Variants in KIAA1671 observed in about 807,000 individuals in gnomAD.
The protein encoded by KIAA1671 is uncharacterized protein KIAA1671.
KIAA1671 carries 52 observed loss-of-function variants against 131.2 expected under a neutral mutation model. That is an observed-to-expected ratio of 0.40 (90% CI 0.32 to 0.50). The LOEUF is 0.50. Ranked by LOEUF, KIAA1671 falls within the 20% of genes least tolerant of loss-of-function variation. KIAA1671 has a pLI of 0.73. For missense variants in KIAA1671, 2,360 were observed against 2,364.2 expected (o/e 1.00, Z 0.04); for synonymous variants, 1,003 against 961.6 (o/e 1.04, Z -0.80).
At chr22:25,140,691 C>A (rs1475655722) in intron 6 of KIAA1671, among the ~76,000 whole-genome samples, 1 of 152,120 alleles carries the variant, frequency 6.6e-6, no homozygotes, top group Non-Finnish European at 1.5e-5. Context: ...AGGGTCGATG[C>A]CAGAGAAGTG....
intron 1 of KIAA1671, chr22:25,024,650 G>C (rs1417505420): frequency 2.0e-5 from 3 of 152,190 alleles, no homozygotes; most frequent in African/African-American, 7.2e-5. Context: ...TAGCATCTTA[G>C]AGAGTGGGCA....
intron 4 of KIAA1671, 55 bp downstream of exon 4, chr22:25,032,751 C>T: frequency 1.8e-6 from 2 of 1,129,904 alleles, no homozygotes; most frequent in East Asian, 5.2e-5. Context: ...GTTATGGCTG[C>T]TGGAGAAAGA....
intron 6 of KIAA1671, among the ~76,000 whole-genome samples, chr22:25,091,836 C>T (rs943498283): frequency 1.3e-5 from 2 of 152,180 alleles, no homozygotes; most frequent in Non-Finnish European, 2.9e-5. Context: ...ATTTATTGAG[C>T]ATCTCCTAGG....
Position 25,122,802 on chromosome 22 carries a change from G to A in KIAA1671, c.4531-48018G>A, listed in dbSNP as rs111351210. 1.3e-3 allele frequency among the ~76,000 whole-genome samples: 191 copies of A among 152,206 alleles called. 1 individual carries two copies. The highest frequency in any genetic ancestry group is 4.5e-3 in the African/African-American group (185 of 41,536). On this transcript the variant is annotated intron_variant, in intron 6 of 12. Coordinates refer to ENST00000358431, the MANE Select transcript of KIAA1671 (RefSeq NM_001145206.2). ...ATCCTGGCTAACATGGTGAAACCCC[G>A]TCTCTACTAAAAACACAAAAACATT... is the stretch of plus-strand genomic sequence containing the variant.
At chr22:25,001,309 AATTCCAGTCTATG>A (rs1351162674) in intron 1 of KIAA1671, among the ~76,000 whole-genome samples, 5 of 152,006 alleles carry the variant, frequency 3.3e-5, no homozygotes, top group Non-Finnish European at 1.5e-5. Context: ...ACATATTTTT[AATTCCAGTCTATG>A]ATTTGCTTAT....
At chr22:25,000,255 G>T (rs1210168761) in intron 1 of KIAA1671, among the ~76,000 whole-genome samples, 1 of 70,796 alleles carries the variant, frequency 1.4e-5, no homozygotes. Flanking sequence ...GTGCAGTGGC[G>T]GGATCTCGGC....
intron 6 of KIAA1671, among the ~76,000 whole-genome samples, chr22:25,156,402 T>C (rs1195696448): frequency 2.6e-5 from 4 of 152,100 alleles, no homozygotes; most frequent in African/African-American, 9.7e-5. Flanking sequence ...TGTGTTTATA[T>C]TTTCATGTGT....
intron 6 of KIAA1671, among the ~76,000 whole-genome samples, chr22:25,163,874 C>G (rs1933549242): frequency 6.6e-6 from 1 of 152,166 alleles, no homozygotes; most frequent in African/African-American, 2.4e-5. Flanking sequence ...TAGATCTTGG[C>G]AGGTATCTCT....
chr22:25,092,260 G>T (rs1316423452), intron 6 of KIAA1671, among the ~76,000 whole-genome samples: 1 of 152,218 alleles, frequency 6.6e-6, no homozygotes, highest in East Asian at 1.9e-4. Context: ...TAAAATTTGG[G>T]TGGAGCCCTG....
chr22:25,026,590 C>T (rs975495392), intron 2 of KIAA1671, among the ~76,000 whole-genome samples: 6 of 151,988 alleles, frequency 3.9e-5, no homozygotes, highest in Non-Finnish European at 7.4e-5. Flanking sequence ...ATTACCTGGG[C>T]GTGGTGGCAC....
chr22:25,040,310 A>G lies in KIAA1671; in HGVS notation c.3180A>G (p.Pro1060=). ...SLLEHSRKIT[P]PSSPHSLTST... ...TGGAACATTCTAGAAAAATCACTCCACCCTCGTCTCCTCATTCTTTAACAT... is the reference window on the plus strand; with the variant it reads ...TGGAACATTCTAGAAAAATCACTCCGCCCTCGTCTCCTCATTCTTTAACAT... The change falls in exon 5 of 13, where the codon CCA becomes CCG. Residue 1060 remains proline, a synonymous_variant. Coordinates refer to ENST00000358431, the MANE Select transcript of KIAA1671 (RefSeq NM_001145206.2). 7 of 1,551,390 alleles carry G rather than the reference A, an allele frequency of 4.5e-6. No individual in the cohort carries two copies. The highest frequency in any genetic ancestry group is 6.1e-6 in the Non-Finnish European group (7 of 1,146,934).
intron 10 of KIAA1671, 130 bp downstream of exon 10, chr22:25,181,953 G>A (rs961739946): frequency 2.0e-5 from 19 of 931,760 alleles, no homozygotes; most frequent in African/African-American, 1.8e-4. Flanking sequence ...CGAGTTGGGC[G>A]GATCACGAGA....
At chr22:24,974,203 A>G (rs1288839879) in intron 1 of KIAA1671, among the ~76,000 whole-genome samples, 3 of 152,160 alleles carry the variant, frequency 2.0e-5, no homozygotes, top group East Asian at 1.9e-4. Flanking sequence ...CTTCTGGGTA[A>G]GCTGAGGACT....
intron 6 of KIAA1671, among the ~76,000 whole-genome samples, chr22:25,146,306 G>T (rs1200532196): frequency 2.0e-5 from 3 of 152,122 alleles, no homozygotes; most frequent in African/African-American, 7.2e-5. Context: ...TTTAACACCT[G>T]GACTTCCATA....
intron 10 of KIAA1671, among the ~76,000 whole-genome samples, chr22:25,183,068 G>C (rs1019954970): frequency 2.7e-5 from 4 of 149,122 alleles, no homozygotes; most frequent in Non-Finnish European, 5.9e-5. Flanking sequence ...AGGCCCTTTT[G>C]CCCCCCTGTT....
At chr22:25,141,533 A>G (rs1932807597) in intron 6 of KIAA1671, among the ~76,000 whole-genome samples, 1 of 151,942 alleles carries the variant, frequency 6.6e-6, no homozygotes, top group South Asian at 2.1e-4. Context: ...CACCCTGCCC[A>G]TTTTTTTCTT....
chr22:25,001,314 C>T (rs1240993480), intron 1 of KIAA1671, among the ~76,000 whole-genome samples: 4 of 151,786 alleles, frequency 2.6e-5, no homozygotes, highest in Non-Finnish European at 4.4e-5. Context: ...TTTTTAATTC[C>T]AGTCTATGAT....
intron 1 of KIAA1671, among the ~76,000 whole-genome samples, chr22:24,973,857 C>T (rs1922770612): frequency 6.6e-6 from 1 of 152,096 alleles, no homozygotes; most frequent in South Asian, 2.1e-4. Context: ...AAATGAATGA[C>T]TAATAAGGTC....
intron 1 of KIAA1671, among the ~76,000 whole-genome samples, chr22:24,969,191 G>A (rs1252263851): frequency 6.6e-6 from 1 of 152,132 alleles, no homozygotes; most frequent in Admixed American, 6.6e-5. Flanking sequence ...GTGAGCCACC[G>A]TGCCCGGCCT....
Sources: allele counts gnomAD v4.1 joint callset (sites outside exome capture counted in the v4.1 genomes callset), GRCh38; gene constraint gnomAD v4.1.1; transcripts MANE v1.5; gene names NCBI Gene and HGNC (gene_info 2026-07-23, HGNC 2026-07-21).